Variants in STAB2 observed in about 807,000 individuals in gnomAD.
STAB2 encodes stabilin 2, also known as stabilin-2.
In STAB2, 288 loss-of-function variants were observed where a neutral mutation model predicts 338.1. That is an observed-to-expected ratio of 0.85 (90% CI 0.77 to 0.94). STAB2 has a LOEUF of 0.94. Among genes scored for constraint, STAB2 ranks in the 40% least tolerant of loss-of-function variants. The probability of loss-of-function intolerance (pLI) is 0.00; values close to 1 mark genes in which losing one functional copy is unlikely to be tolerated. For missense variants in STAB2, 3,141 were observed against 3,210.1 expected (o/e 0.98, Z 0.52); for synonymous variants, 1,202 against 1,193.3 (o/e 1.01, Z -0.15).
chr12:103,712,687 G>A (rs1485399037), intron 41 of STAB2, among the ~76,000 whole-genome samples: 1 of 152,190 alleles, frequency 6.6e-6, no homozygotes, highest in East Asian at 1.9e-4. Flanking sequence ...CCCACATAAT[G>A]ATCGATGTTT....
At chr12:103,696,997 G>A (rs1878463434) in intron 33 of STAB2, among the ~76,000 whole-genome samples, 1 of 152,184 alleles carries the variant, frequency 6.6e-6, no homozygotes, top group African/African-American at 2.4e-5. Context: ...ACTGAAAACG[G>A]TGTTTGAATT....
chr12:103,610,297 G>T (rs1338827364), intron 3 of STAB2, among the ~76,000 whole-genome samples: 1 of 152,142 alleles, frequency 6.6e-6, no homozygotes, highest in African/African-American at 2.4e-5. Context: ...GTAGACTTCG[G>T]CTGTGAATCC....
intron 5 of STAB2, among the ~76,000 whole-genome samples, chr12:103,626,270 T>G (rs907347577): frequency 3.3e-5 from 5 of 152,178 alleles, no homozygotes; most frequent in Non-Finnish European, 5.9e-5. Flanking sequence ...AAATTTCACT[T>G]AATATCATTT....
In STAB2 at chr12:103,652,555, G is replaced by A. The variant is rs1873821808; in HGVS notation, c.1258-1G>A. ...TAGTAAAATTGGCTCTTCTCTCTTA[G>A]GTAAATGAGCTTTTGGTGGATAATA... is the stretch of plus-strand genomic sequence containing the variant. On this transcript the variant is annotated splice_acceptor_variant, in intron 11 of 68. Transcript: ENST00000388887. LOFTEE classifies it high-confidence loss of function. The A allele has an allele frequency of 1.9e-6, 3 of 1,562,758 alleles. No individual in the cohort carries two copies. The highest frequency in any genetic ancestry group is 2.7e-5 in the African/African-American group (2 of 72,870).
intron 33 of STAB2, among the ~76,000 whole-genome samples, chr12:103,696,796 T>C (rs1878445866): frequency 6.6e-6 from 1 of 152,118 alleles, no homozygotes; most frequent in African/African-American, 2.4e-5. Flanking sequence ...TGAGGATTCT[T>C]CCAGCTTCCT....
chr12:103,714,289 G>T (rs1356139972), intron 42 of STAB2, among the ~76,000 whole-genome samples: 2 of 152,020 alleles, frequency 1.3e-5, no homozygotes, highest in Non-Finnish European at 2.9e-5. Flanking sequence ...TACTATAAAG[G>T]TATGCCATAG....
At position 103,740,711 on chromosome 12, in the gene STAB2, C is replaced by A; in HGVS notation, c.5836C>A (p.Gln1946Lys). 1.9e-6 allele frequency: 3 copies of A among 1,606,160 alleles called. No individual in the cohort carries two copies. The highest frequency in any genetic ancestry group is 1.7e-5 in the Admixed American group (1 of 57,876). ...CCGGGAGCGGTGCAGCCTGGTGATA[C>A]AGATCCCCAGGTGCTGCAAGGGCTA... is the stretch of plus-strand genomic sequence containing the variant. Reference protein sequence around the residue: ...GCRERCSLVIQIPRCCKGYFG... With the variant: ...GCRERCSLVIKIPRCCKGYFG... Residue 1946 changes from glutamine (Q) to lysine (K), a missense_variant, in exon 55 of 69, where the codon CAG becomes AAG. By Grantham distance (53) the Gln-to-Lys change is moderately conservative (BLOSUM62 1). Transcript: ENST00000388887.
At chr12:103,676,432 T>C (rs973965594) in intron 24 of STAB2, among the ~76,000 whole-genome samples, 1 of 152,226 alleles carries the variant, frequency 6.6e-6, no homozygotes, top group African/African-American at 2.4e-5. Flanking sequence ...AGACATTCCA[T>C]AGGTCAATGT....
chr12:103,598,464 A>G (rs1956909101), intron 3 of STAB2, among the ~76,000 whole-genome samples: 1 of 152,204 alleles, frequency 6.6e-6, no homozygotes, highest in Admixed American at 6.5e-5. Flanking sequence ...ATGACCTAGA[A>G]TAGTCTTATC....
At chr12:103,719,048 C>A (rs144659725) in intron 44 of STAB2, among the ~76,000 whole-genome samples, 1 of 152,166 alleles carries the variant, frequency 6.6e-6, no homozygotes, top group African/African-American at 2.4e-5. Context: ...GTTATGCAAA[C>A]GAGGAGTTTA....
intron 57 of STAB2, among the ~76,000 whole-genome samples, chr12:103,746,164 C>A (rs566093222): frequency 6.6e-6 from 1 of 152,144 alleles, no homozygotes; most frequent in East Asian, 1.9e-4. Context: ...GCACTGTAAC[C>A]CCAGCCAATA....
At chr12:103,592,722 A>C (rs1956818635) in intron 2 of STAB2, among the ~76,000 whole-genome samples, 1 of 152,286 alleles carries the variant, frequency 6.6e-6, no homozygotes, top group African/African-American at 2.4e-5. Flanking sequence ...GCTTAACATA[A>C]GATCTCCTGT....
intron 47 of STAB2, among the ~76,000 whole-genome samples, chr12:103,727,639 C>CA (rs1309765536): frequency 1.3e-5 from 2 of 152,070 alleles, no homozygotes; most frequent in Admixed American, 1.3e-4. Context: ...CTCCTATAGA[C>CA]AAAAAACAGG....
chr12:103,618,177 C>A (rs1957240077), intron 3 of STAB2, among the ~76,000 whole-genome samples: 1 of 152,158 alleles, frequency 6.6e-6, no homozygotes, highest in Non-Finnish European at 1.5e-5. Context: ...ACCTAATCCC[C>A]AATGTGATTG....
chr12:103,763,613 G>C lies in STAB2; in HGVS notation c.7605+5G>C. 1 of 1,612,256 alleles carries C rather than the reference G, an allele frequency of 6.2e-7. No homozygotes were observed. Among genetic ancestry groups the C allele is most frequent in the Non-Finnish European group, 8.5e-7 (1 of 1,178,836 alleles). On this transcript the variant is annotated splice_donor_5th_base_variant and intron_variant, in intron 68 of 68. Coordinates refer to ENST00000388887, the MANE Select transcript of STAB2 (RefSeq NM_017564.10). ...CCTTCCTACGACCCCTTCACGGTGAGTTTGCATTCTTATCTAGGAATAGGT... is the reference window on the plus strand; with the variant it reads ...CCTTCCTACGACCCCTTCACGGTGACTTTGCATTCTTATCTAGGAATAGGT...
At chr12:103,651,115 G>T (rs1305278476) in intron 11 of STAB2, among the ~76,000 whole-genome samples, 1 of 152,160 alleles carries the variant, frequency 6.6e-6, no homozygotes, top group Non-Finnish European at 1.5e-5. Flanking sequence ...TGTAGTGCCT[G>T]GTGGAGGCGT....
At chr12:103,649,024 C>A (rs1002013505) in intron 10 of STAB2, among the ~76,000 whole-genome samples, 5 of 152,098 alleles carry the variant, frequency 3.3e-5, no homozygotes, top group Admixed American at 2.0e-4. Flanking sequence ...AGAGATCTAG[C>A]AATGCAAGAA....
chr12:103,702,453 C>G (rs377600408), intron 34 of STAB2, among the ~76,000 whole-genome samples: 1 of 152,078 alleles, frequency 6.6e-6, no homozygotes, highest in African/African-American at 2.4e-5. Context: ...CGCCCGCCAC[C>G]GCGCCCGGCT....
intron 9 of STAB2, among the ~76,000 whole-genome samples, chr12:103,642,242 G>A (rs1872977206): frequency 6.6e-6 from 1 of 152,176 alleles, no homozygotes; most frequent in Non-Finnish European, 1.5e-5. Context: ...TTTATGCTTT[G>A]CCTTTTTACT....
Sources: allele counts gnomAD v4.1 joint callset (sites outside exome capture counted in the v4.1 genomes callset), GRCh38; gene constraint gnomAD v4.1.1; transcripts MANE v1.5; gene names NCBI Gene and HGNC (gene_info 2026-07-23, HGNC 2026-07-21).